UVSSA: variants seen among roughly 807,000 people sequenced by gnomAD.
UVSSA encodes UV-stimulated scaffold protein A.
A neutral mutation model predicts 73.9 loss-of-function variants in UVSSA; 72 were observed. That is an observed-to-expected ratio of 0.97 (90% CI 0.81 to 1.19). UVSSA has a LOEUF of 1.19. UVSSA is among the 50% of genes most tolerant of loss of function. UVSSA has a pLI of 0.00. For missense variants in UVSSA, 1,150 were observed against 965.0 expected (o/e 1.19, Z -2.54); for synonymous variants, 454 against 391.3 (o/e 1.16, Z -1.89).
Position 1,380,215 on chromosome 4 carries a change from C to G in UVSSA, c.1737C>G (p.Arg579=). 4 of 1,611,710 alleles carry G rather than the reference C, an allele frequency of 2.5e-6. No individual in the cohort carries two copies. The highest frequency in any genetic ancestry group is 3.4e-6 in the Non-Finnish European group (4 of 1,179,266). The change falls in exon 11 of 14, where the codon CGC becomes CGG. Residue 579 remains arginine (R), a synonymous_variant. Coordinates refer to ENST00000389851, the MANE Select transcript of UVSSA (RefSeq NM_020894.4). ...APRPDGRLCE[R]QDRLKCPFHG... is the part of the protein sequence containing the mutation. The stretch of plus-strand genomic sequence containing the variant: ...GGCCAGACGGCCGGCTCTGTGAGCG[C>G]CAAGACCGGCTGAAGGTGAGGCCGT...
At chr4:1,360,554 T>C (rs1174521301) in intron 7 of UVSSA, among the ~76,000 whole-genome samples, 1 of 152,200 alleles carries the variant, frequency 6.6e-6, no homozygotes, top group Non-Finnish European at 1.5e-5. Context: ...AAACCCGTGC[T>C]ATGGCCGCGC....
intron 2 of UVSSA, 80 bp from the exon 3 acceptor site, chr4:1,349,444 C>A: frequency 7.4e-7 from 1 of 1,350,752 alleles, no homozygotes; most frequent in Non-Finnish European, 1.0e-6. Context: ...CACGTGCGTG[C>A]GGCATCCATG....
chr4:1,354,947 A>G, intron 6 of UVSSA, 100 bp downstream of exon 6: 1 of 1,537,152 alleles, frequency 6.5e-7, no homozygotes, highest in Non-Finnish European at 8.8e-7. Flanking sequence ...CGGTGACTGA[A>G]TGGCCCTTAA....
chr4:1,361,958 TC>T (rs915935972), intron 7 of UVSSA, among the ~76,000 whole-genome samples: 3 of 151,758 alleles, frequency 2.0e-5, no homozygotes, highest in African/African-American at 7.3e-5. Flanking sequence ...GTTAATTAGA[TC>T]GTACAAAATT....
At position 1,354,840 on chromosome 4, in the gene UVSSA, GGATCCAGGTGAGCCTC is replaced by G. The variant is rs1560434505; in HGVS notation, c.1043_1047+11del. 6.2e-7 allele frequency: 1 copy of G among 1,605,140 alleles called. No individual in the cohort carries two copies. Among genetic ancestry groups the G allele is most frequent in the Non-Finnish European group, 8.5e-7 (1 of 1,175,152 alleles). On this transcript the variant is annotated splice_donor_variant and splice_donor_5th_base_variant and coding_sequence_variant and intron_variant, in exon 6 of 14. Transcript: ENST00000389851. LOFTEE classifies it high-confidence loss of function. ...AAGTTCCTGCCGGCTGTGTGCTCGT[GGATCCAGGTGAGCCTC>G]GAACCTGGGACCTGTGGGTGGAGGG...
intron 5 of UVSSA, 122 bp downstream of exon 5, chr4:1,353,535 C>A: frequency 7.7e-7 from 1 of 1,306,232 alleles, no homozygotes; most frequent in Non-Finnish European, 1.0e-6. Flanking sequence ...GGAGCTAGGT[C>A]AGGGGTCACC....
chr4:1,377,375 A>C (rs1718903393), intron 10 of UVSSA, among the ~76,000 whole-genome samples: 1 of 152,014 alleles, frequency 6.6e-6, no homozygotes, highest in African/African-American at 2.4e-5. Context: ...AGCAGGACTG[A>C]GATTTGAGGG....
intron 13 of UVSSA, chr4:1,385,520 G>T (rs1720014533): frequency 3.2e-6 from 1 of 314,058 alleles, no homozygotes; most frequent in Non-Finnish European, 6.1e-6. Flanking sequence ...TCTCCTGCGA[G>T]GCCGCTCCCC....
chr4:1,377,413 G>A (rs866988859), intron 10 of UVSSA, among the ~76,000 whole-genome samples: 9 of 152,160 alleles, frequency 5.9e-5, no homozygotes, highest in African/African-American at 2.2e-4. Context: ...CACAGACACC[G>A]CCCCTAGTGG....
chr4:1,351,955 G>A, intron 4 of UVSSA, 120 bp downstream of exon 4: 1 of 1,472,168 alleles, frequency 6.8e-7, no homozygotes, highest in Non-Finnish European at 9.1e-7. Context: ...GACAGGCTAG[G>A]TGGAGAGGAT....
At chr4:1,369,314 C>T (rs896959967) in intron 8 of UVSSA, among the ~76,000 whole-genome samples, 3 of 152,176 alleles carry the variant, frequency 2.0e-5, no homozygotes, top group Admixed American at 6.5e-5. Context: ...CTCTGGGGTG[C>T]GCAGGGAGGA....
upstream of UVSSA, among the ~76,000 whole-genome samples, chr4:1,342,454 T>G (rs1713465222): frequency 6.6e-6 from 1 of 152,242 alleles, no homozygotes; most frequent in African/African-American, 2.4e-5. Flanking sequence ...CTTTGAGGGA[T>G]ATGTGTATTT....
chr4:1,383,707 G>T (rs1287456579), intron 12 of UVSSA, 59 bp from the exon 13 acceptor site: 2 of 1,601,000 alleles, frequency 1.2e-6, no homozygotes, highest in South Asian at 1.1e-5. Flanking sequence ...TGGGGGCCTC[G>T]GGTAAGAGGC....
At chr4:1,394,481 A>C (rs1720473062) in exon 14 of UVSSA, 1 of 1,611,232 alleles carries the variant, frequency 6.2e-7, no homozygotes, top group Non-Finnish European at 8.5e-7. Flanking sequence ...TTTAAATTTC[A>C]AATAGCTGTC....
chr4:1,355,378 C>T, intron 7 of UVSSA, 133 bp downstream of exon 7: 1 of 852,338 alleles, frequency 1.2e-6, no homozygotes, highest in South Asian at 1.8e-5. Context: ...TCAGCCTCAG[C>T]AGGACCTGCC....
chr4:1,351,340 A>G (rs1714703608), intron 3 of UVSSA, among the ~76,000 whole-genome samples: 1 of 150,896 alleles, frequency 6.6e-6, no homozygotes, highest in South Asian at 2.1e-4. Context: ...CTGGGGTGAC[A>G]GGCATGAGCC....
intron 13 of UVSSA, 106 bp from the exon 14 acceptor site, chr4:1,385,762 C>T: frequency 1.7e-6 from 2 of 1,146,500 alleles, no homozygotes; most frequent in South Asian, 1.3e-5. Flanking sequence ...TGTCCGAGGG[C>T]AGCAGTTGCC....
chr4:1,394,435 G>T, exon 14 of UVSSA: 1 of 1,600,758 alleles, frequency 6.2e-7, no homozygotes, highest in Non-Finnish European at 8.5e-7. Context: ...TCTACTTCTA[G>T]TTTTTGATAC....
At chr4:1,364,567 T>C (rs932993699) in intron 7 of UVSSA, among the ~76,000 whole-genome samples, 1 of 152,222 alleles carries the variant, frequency 6.6e-6, no homozygotes, top group Admixed American at 6.5e-5. Flanking sequence ...TTTTTAGAGA[T>C]GCAGGTGTGT....
Sources: allele counts gnomAD v4.1 joint callset (sites outside exome capture counted in the v4.1 genomes callset), GRCh38; gene constraint gnomAD v4.1.1; transcripts MANE v1.5; gene names NCBI Gene and HGNC (gene_info 2026-07-23, HGNC 2026-07-21).